ADGRL1: variants seen among roughly 807,000 people sequenced by gnomAD.
The protein encoded by ADGRL1 is adhesion G protein-coupled receptor L1, also known as CIRL-1.
ADGRL1 carries 31 observed loss-of-function variants against 148.9 expected under a neutral mutation model. The observed-to-expected ratio is 0.21, with a 90% CI of 0.16 to 0.28. The LOEUF is 0.28. Among genes scored for constraint, ADGRL1 ranks in the 10% least tolerant of loss-of-function variants. The pLI, the probability that ADGRL1 is intolerant of heterozygous loss-of-function variation, is 1.00. For missense variants in ADGRL1, 1,521 were observed against 2,058.8 expected (o/e 0.74, Z 5.05); for synonymous variants, 937 against 900.3 (o/e 1.04, Z -0.73).
intron 1 of ADGRL1, 35 bp downstream of exon 1, chr19:14,205,950 G>GCTT (rs1289138511): frequency 6.6e-6 from 1 of 151,248 alleles, no homozygotes; most frequent in Non-Finnish European, 1.5e-5. Context: ...CCCAGGTGCG[G>GCTT]CTTCGCCCCT....
At chr19:14,201,294 G>GTTTTTTTTTT (rs748016498) in intron 1 of ADGRL1, among the ~76,000 whole-genome samples, 1 of 86,234 alleles carries the variant, frequency 1.2e-5, no homozygotes, top group African/African-American at 4.1e-5. Flanking sequence ...GCTATTCTGA[G>GTTTTTTTTTT]TTTTTTTGTT....
Position 14,183,613 on chromosome 19 carries a change from G to T in ADGRL1, c.-11C>A. On this transcript the variant is annotated 5_prime_UTR_variant, in exon 2 of 23. Transcript: ENST00000361434. ...GGCTAGGCGGGCCATGGTGGCAGCC[G>T]GGTGCGTGTCCGGAGCTCTCAGTGG... 6.4e-7 allele frequency: 1 copy of T among 1,566,278 alleles called. No homozygotes were observed. Among genetic ancestry groups the T allele is most frequent in the Non-Finnish European group, 8.7e-7 (1 of 1,155,090 alleles).
chr19:14,205,344 G>A (rs1285149688), intron 1 of ADGRL1, among the ~76,000 whole-genome samples: 2 of 152,012 alleles, frequency 1.3e-5, no homozygotes, highest in Non-Finnish European at 2.9e-5. Context: ...CGGAGAGAAG[G>A]TGCTGCCCGG....
intron 1 of ADGRL1, among the ~76,000 whole-genome samples, chr19:14,188,036 G>A (rs1358550108): frequency 6.6e-6 from 1 of 152,092 alleles, no homozygotes; most frequent in Non-Finnish European, 1.5e-5. Context: ...TTGCAAGGCT[G>A]CAGTAAGCTA....
chr19:14,151,809 C>T (rs1344543836), intron 22 of ADGRL1, among the ~76,000 whole-genome samples, 194 bp from the exon 23 acceptor site: 2 of 152,138 alleles, frequency 1.3e-5, no homozygotes, highest in Admixed American at 6.5e-5. Flanking sequence ...AGCCCAGCAG[C>T]GTATTGATGA....
At chr19:14,204,648 G>C (rs919569547) in intron 1 of ADGRL1, among the ~76,000 whole-genome samples, 1 of 151,738 alleles carries the variant, frequency 6.6e-6, no homozygotes, top group African/African-American at 2.4e-5. Context: ...ACCAGGATAA[G>C]GGAGCCGGGC....
In ADGRL1 at chr19:14,177,706, G is replaced by A. The variant is rs749368125; in HGVS notation, c.109C>T (p.Arg37Trp). Residue 37 changes from arginine to tryptophan, a missense_variant, in exon 3 of 23, where the codon CGG (arginine) becomes TGG (tryptophan). Around this residue, in one of 8 missense-constraint regions of ADGRL1, gnomAD observed 334 missense variants for 512.5 expected, o/e 0.65. Coordinates refer to ENST00000361434, the MANE Select transcript of ADGRL1 (RefSeq NM_014921.5). ...GGGTAGCCTTCACACGCCAGCTCCC[G>A]GCGCATCAGCCCGAACGGGAGCCCG... Reference protein sequence around the residue: ...RAGLPFGLMRRELACEGYPIE... With the variant: ...RAGLPFGLMRWELACEGYPIE... 6 of 1,613,650 alleles carry A rather than the reference G, an allele frequency of 3.7e-6. No homozygotes were observed. Among genetic ancestry groups the A allele is most frequent in the South Asian group, 1.1e-5 (1 of 91,088 alleles).
rs1349295632 is a variant in ADGRL1 at position 14,162,961 on chromosome 19, G to C, written c.840C>G (p.Gly280=). ...GGCTCACCACCAGCCGCCCGTTGTT[G>C]CCCTCAGTGGCGTAGATGACCCACA... ...NGLWVIYATE[G]NNGRLVVSQL... Residue 280 remains glycine (G), a synonymous_variant, in exon 5 of 23, where the codon GGC becomes GGG. Coordinates refer to ENST00000361434, the MANE Select transcript of ADGRL1 (RefSeq NM_014921.5). The surrounding 1 kb of genome is among the most constrained non-coding windows in gnomAD (Gnocchi z 5.4). The C allele has an allele frequency of 1.2e-6, 2 of 1,613,662 alleles. No homozygotes were observed. The highest frequency in any genetic ancestry group is 1.7e-6 in the Non-Finnish European group (2 of 1,179,952).
At chr19:14,202,906 T>A (rs1412957782) in intron 1 of ADGRL1, among the ~76,000 whole-genome samples, 3 of 152,024 alleles carry the variant, frequency 2.0e-5, no homozygotes, top group African/African-American at 4.8e-5. Flanking sequence ...ACATGCACCC[T>A]TGGCTAGATC....
intron 4 of ADGRL1, among the ~76,000 whole-genome samples, chr19:14,167,434 T>G (rs1970085266): frequency 6.6e-6 from 1 of 151,528 alleles, no homozygotes; most frequent in African/African-American, 2.4e-5. Context: ...TGGGCTCCGG[T>G]CAGAGGGGGC....
In ADGRL1 at chr19:14,151,503, GC is replaced by G; in HGVS notation, c.3779del (p.Gly1260AlafsTer10). The G allele has an allele frequency of 6.2e-7, 1 of 1,611,140 alleles. No homozygotes were observed. The highest frequency in any genetic ancestry group is 8.5e-7 in the Non-Finnish European group (1 of 1,178,978). ...RSGDFPPGDG[G>X]PEPPRGRNLA... is the part of the protein sequence containing the mutation. ...GGTTCCGGCCTCGGGGCGGCTCAGG[GC>G]CCCCATCCCCGGGAGGGAAATCCCC... On this transcript the variant is annotated frameshift_variant, in exon 23 of 23. Transcript: ENST00000361434. LOFTEE classifies it high-confidence loss of function.
intron 1 of ADGRL1, among the ~76,000 whole-genome samples, chr19:14,202,996 G>T (rs569972503): frequency 1.3e-5 from 2 of 152,126 alleles, no homozygotes; most frequent in Non-Finnish European, 2.9e-5. Context: ...TGGGGACACC[G>T]GGACCCCCTC....
intron 22 of ADGRL1, 59 bp from the exon 23 acceptor site, chr19:14,151,674 A>G (rs1328218881): frequency 2.7e-6 from 4 of 1,479,750 alleles, no homozygotes; most frequent in Middle Eastern, 3.7e-4. Context: ...ACTAGGGGAC[A>G]GTGAGGGGGT....
In ADGRL1 at chr19:14,171,526, T is replaced by C. The variant is rs578169849; in HGVS notation, c.285-735A>G. On this transcript the variant is annotated intron_variant, in intron 3 of 22. Coordinates refer to ENST00000361434, the MANE Select transcript of ADGRL1 (RefSeq NM_014921.5). ...TATATCCTTGGCATTTTTCTTTAAA[T>C]GGACTTTAAAGCCCCTGCGCTGTTC... 5.3e-5 allele frequency among the ~76,000 whole-genome samples: 8 copies of C among 152,342 alleles called. No homozygotes were observed. In the East Asian group the frequency reaches 1.5e-3, roughly 29 times the overall value.
intron 1 of ADGRL1, among the ~76,000 whole-genome samples, chr19:14,189,155 T>C (rs1252965885): frequency 9.9e-5 from 15 of 151,732 alleles, no homozygotes; most frequent in African/African-American, 3.6e-4. Flanking sequence ...CTACTTTCTG[T>C]CTCCATGGAT....
Position 14,157,799 on chromosome 19 carries a change from T to G in ADGRL1, c.2535+83A>C, listed in dbSNP as rs1412611715. 4 of 1,510,478 alleles carry G rather than the reference T, an allele frequency of 2.6e-6. No homozygotes were observed. The African/African-American group carries it at 5.5e-5, about 21-fold the overall frequency. 93.6% of individuals were successfully genotyped at this position (1,510,478 alleles called of 1,614,324 possible). On this transcript the variant is annotated intron_variant, in intron 13 of 22. Coordinates refer to ENST00000361434, the MANE Select transcript of ADGRL1 (RefSeq NM_014921.5). The surrounding 1 kb of genome is among the most constrained non-coding windows in gnomAD (Gnocchi z 7.5). Reference sequence around the variant, plus strand: ...CCATGGGGCTAGCCTCCCCTGGTACTGCCCGTGATCTCTCTAGGATGCCAT... The same window carrying G: ...CCATGGGGCTAGCCTCCCCTGGTACGGCCCGTGATCTCTCTAGGATGCCAT...
At chr19:14,181,344 G>A (rs142585393) in intron 2 of ADGRL1, among the ~76,000 whole-genome samples, 53 of 152,342 alleles carry the variant, frequency 3.5e-4, no homozygotes, top group Middle Eastern at 3.4e-3. Flanking sequence ...CCCATACTCG[G>A]CCTGCTGGAT....
chr19:14,174,837 G>GTTTTT (rs34608406), intron 3 of ADGRL1, among the ~76,000 whole-genome samples: 4 of 110,576 alleles, frequency 3.6e-5, no homozygotes, highest in Non-Finnish European at 5.5e-5. Context: ...CACCTGGTCT[G>GTTTTT]TTTTTTTTTT....
At chr19:14,202,627 A>AC (rs945192759) in intron 1 of ADGRL1, among the ~76,000 whole-genome samples, 27 of 151,818 alleles carry the variant, frequency 1.8e-4, no homozygotes, top group Middle Eastern at 3.4e-3. Context: ...CATGGCCACC[A>AC]CCCCCCATGG....
Sources: gnomAD v4.1 joint callset for allele counts (sites outside exome capture counted in the v4.1 genomes callset) on GRCh38, gnomAD v4.1.1 for gene constraint, gnomAD v4.1.1 regional missense constraint, Gnocchi (gnomAD v3.1) non-coding constraint, MANE v1.5 for transcripts, NCBI Gene and HGNC (gene_info 2026-07-23, HGNC 2026-07-21) for gene names.